DAB2IP: variants seen among roughly 807,000 people sequenced by gnomAD.
DAB2IP encodes disabled homolog 2-interacting protein.
Under a neutral mutation model 107.2 loss-of-function variants are expected in DAB2IP, and 28 were observed. The ratio of observed to expected loss-of-function variants is 0.26; its 90% CI spans 0.19 to 0.36. DAB2IP has a LOEUF of 0.36. Ranked by LOEUF, DAB2IP falls within the 10% of genes least tolerant of loss-of-function variation. The pLI is 1.00. For synonymous variants in DAB2IP, 755 were observed against 706.4 expected (o/e 1.07, Z -1.09); for missense variants, 1,400 against 1,644.7 (o/e 0.85, Z 2.57).
At chr9:121,765,069 T>C (rs1161231186) in intron 8 of DAB2IP, among the ~76,000 whole-genome samples, 1 of 152,128 alleles carries the variant, frequency 6.6e-6, no homozygotes. Flanking sequence ...GGTGCTTGCC[T>C]GGGCCAAATG....
chr9:121,720,683 C>A (rs571264791), intron 3 of DAB2IP, among the ~76,000 whole-genome samples: 2 of 152,204 alleles, frequency 1.3e-5, no homozygotes, highest in East Asian at 3.9e-4. Flanking sequence ...AGATAGAGCA[C>A]CCTGGCTGGC....
intron 3 of DAB2IP, among the ~76,000 whole-genome samples, chr9:121,743,136 C>G (rs1435106450): frequency 6.6e-6 from 1 of 152,192 alleles, no homozygotes; most frequent in Non-Finnish European, 1.5e-5. Context: ...CTGGGGAGCC[C>G]TTGCACCCTC....
intron 1 of DAB2IP, among the ~76,000 whole-genome samples, chr9:121,622,187 A>C (rs1291839709): frequency 6.7e-6 from 1 of 150,246 alleles, no homozygotes; most frequent in Non-Finnish European, 1.5e-5. Flanking sequence ...ATGGAGTTTC[A>C]CCGTGTTGGC....
chr9:121,711,191 C>T (rs1482037930), intron 3 of DAB2IP, among the ~76,000 whole-genome samples: 7 of 152,114 alleles, frequency 4.6e-5, no homozygotes, highest in East Asian at 1.9e-4. Flanking sequence ...AGTGTTTTCC[C>T]GAACTGGGTT....
chr9:121,761,463 A>G (rs1361777041), intron 6 of DAB2IP, among the ~76,000 whole-genome samples: 1 of 152,176 alleles, frequency 6.6e-6, no homozygotes, highest in Non-Finnish European at 1.5e-5. Flanking sequence ...GTTGGGAGCC[A>G]TACCCCAGGG....
chr9:121,693,932 G>A (rs149491123), intron 2 of DAB2IP, among the ~76,000 whole-genome samples: 96 of 152,254 alleles, frequency 6.3e-4, no homozygotes, highest in African/African-American at 2.0e-3. Context: ...TCCAGGTGGC[G>A]GTGCTGAAAT....
At chr9:121,664,920 C>T (rs2119099879) in intron 1 of DAB2IP, among the ~76,000 whole-genome samples, 1 of 152,226 alleles carries the variant, frequency 6.6e-6, no homozygotes, top group African/African-American at 2.4e-5. Context: ...ACCTCATGTC[C>T]CCTACAGGAT....
intron 3 of DAB2IP, among the ~76,000 whole-genome samples, chr9:121,708,314 G>T (rs888462120): frequency 1.3e-5 from 2 of 152,210 alleles, no homozygotes; most frequent in Non-Finnish European, 2.9e-5. Flanking sequence ...TCCATTCCCT[G>T]GTTGATGTCA....
At chr9:121,642,081 T>TTCTC (rs1832374360) in intron 1 of DAB2IP, among the ~76,000 whole-genome samples, 3 of 136,272 alleles carry the variant, frequency 2.2e-5, no homozygotes, top group Non-Finnish European at 4.6e-5. Context: ...CTTTCTTTCT[T>TTCTC]TCTCACTTTC....
upstream of DAB2IP, among the ~76,000 whole-genome samples, chr9:121,646,793 C>T (rs1383627184): frequency 3.3e-5 from 5 of 152,116 alleles, no homozygotes; most frequent in African/African-American, 1.2e-4. Context: ...ACTGTTTCCA[C>T]TCCCCCGTCT....
chr9:121,648,572 A>C (rs917433667), upstream of DAB2IP, among the ~76,000 whole-genome samples: 52 of 152,136 alleles, frequency 3.4e-4, no homozygotes, highest in African/African-American at 1.2e-3. Flanking sequence ...AGCCAGTCCT[A>C]GTACCCACAC....
intron 2 of DAB2IP, among the ~76,000 whole-genome samples, chr9:121,690,004 ATTAGTT>A (rs2118680907): frequency 6.6e-6 from 1 of 152,314 alleles, no homozygotes; most frequent in Admixed American, 6.5e-5. Context: ...TGCTGTGCAA[ATTAGTT>A]GCCCTTTCTG....
At chr9:121,747,064 GA>G (rs1832768677) in intron 3 of DAB2IP, among the ~76,000 whole-genome samples, 1 of 152,172 alleles carries the variant, frequency 6.6e-6, no homozygotes, top group African/African-American at 2.4e-5. Flanking sequence ...GTGGGCTCTA[GA>G]GCTTGGGAGC....
chr9:121,763,711 C>T (rs913734981), intron 7 of DAB2IP, 24 bp from the exon 8 acceptor site: 3 of 1,612,756 alleles, frequency 1.9e-6, no homozygotes, highest in African/African-American at 2.7e-5. Flanking sequence ...CCTCACTCCC[C>T]ACTCCCTGCC....
chr9:121,572,395 GATGAATGA>G (rs141995347), intron 1 of DAB2IP, among the ~76,000 whole-genome samples: 9 of 151,578 alleles, frequency 5.9e-5, no homozygotes, highest in African/African-American at 9.7e-5. Context: ...ATACTCAGTG[GATGAATGA>G]ATGAATGAAT....
chr9:121,764,825 C>T (rs1834154434), intron 8 of DAB2IP, among the ~76,000 whole-genome samples: 1 of 152,346 alleles, frequency 6.6e-6, no homozygotes, highest in South Asian at 2.1e-4. Context: ...TCCGAGGCCA[C>T]ACCTGGTACC....
At chr9:121,716,991 G>A (rs1589572164) in intron 3 of DAB2IP, among the ~76,000 whole-genome samples, 1 of 152,204 alleles carries the variant, frequency 6.6e-6, no homozygotes, top group African/African-American at 2.4e-5. Context: ...CTGTTTCAGC[G>A]AAGGCAAGTC....
chr9:121,703,707 A>G (rs1416152237), intron 3 of DAB2IP, among the ~76,000 whole-genome samples: 1 of 152,342 alleles, frequency 6.6e-6, no homozygotes, highest in East Asian at 1.9e-4. Context: ...TAATTAAATA[A>G]TGTGTGAAAG....
chr9:121,777,919 C>T (rs1287419034), intron 14 of DAB2IP, among the ~76,000 whole-genome samples: 3 of 152,218 alleles, frequency 2.0e-5, no homozygotes, highest in Non-Finnish European at 4.4e-5. Context: ...TCTGCCTTGT[C>T]TGCTATTAAT....
Sources: allele counts gnomAD v4.1 joint callset (sites outside exome capture counted in the v4.1 genomes callset), GRCh38; gene constraint gnomAD v4.1.1; transcripts MANE v1.5; gene names NCBI Gene and HGNC (gene_info 2026-07-23, HGNC 2026-07-21).